Variants in STXBP5L observed in about 807,000 individuals in gnomAD.
STXBP5L encodes the protein syntaxin-binding protein 5-like.
STXBP5L carries 65 observed loss-of-function variants against 144.5 expected under a neutral mutation model. That is an observed-to-expected ratio of 0.45 (90% confidence interval 0.37 to 0.55). STXBP5L has a LOEUF of 0.55. Ranked by LOEUF, STXBP5L falls within the 20% of genes least tolerant of loss-of-function variation. STXBP5L has a pLI of 0.00. For synonymous variants in STXBP5L, 505 were observed against 469.6 expected, an observed-to-expected ratio of 1.08 and a Z score of -0.97; for missense variants, 1,298 against 1,405.5, an observed-to-expected ratio of 0.92 and a Z score of 1.22.
chr3:121,101,302 C>T (rs1257151611), intron 5 of STXBP5L, among the ~76,000 whole-genome samples: 1 of 151,998 alleles, frequency 6.6e-6, no homozygotes, highest in Non-Finnish European at 1.5e-5. Context: ...AAGGACAATA[C>T]AGGCCAATAT....
intron 5 of STXBP5L, among the ~76,000 whole-genome samples, chr3:121,096,959 G>T (rs7637100): frequency 0.47 from 71,780 of 151,670 alleles, 17,531 homozygotes; most frequent in African/African-American, 0.56. Flanking sequence ...CCCCTTCCCC[G>T]AGGTGCTCTG....
chr3:121,296,594 A>G (rs569727691), intron 19 of STXBP5L, among the ~76,000 whole-genome samples: 17 of 152,320 alleles, frequency 1.1e-4, no homozygotes, highest in Middle Eastern at 3.4e-3. Flanking sequence ...TGAATGCCAG[A>G]CAGAGAAGAG....
At chr3:121,347,558 A>G (rs1176658619) in intron 20 of STXBP5L, among the ~76,000 whole-genome samples, 1 of 152,108 alleles carries the variant, frequency 6.6e-6, no homozygotes, top group Non-Finnish European at 1.5e-5. Flanking sequence ...CAGTATGGCC[A>G]TTTTCACGAT....
intron 7 of STXBP5L, among the ~76,000 whole-genome samples, chr3:121,136,771 A>G (rs2045274260): frequency 6.6e-6 from 1 of 152,218 alleles, no homozygotes; most frequent in Non-Finnish European, 1.5e-5. Context: ...ATAAAGACAC[A>G]TGCGTGTGTA....
chr3:121,313,760 C>T (rs1391529048), intron 19 of STXBP5L, among the ~76,000 whole-genome samples: 81 of 135,862 alleles, frequency 6.0e-4, no homozygotes, highest in African/African-American at 1.6e-3. Context: ...CCCTCCCGGA[C>T]GGGGTGGCTG....
chr3:121,218,614 A>G (rs1013873958), intron 10 of STXBP5L, among the ~76,000 whole-genome samples: 7 of 151,914 alleles, frequency 4.6e-5, no homozygotes, highest in Non-Finnish European at 8.8e-5. Context: ...GAGGAGAACC[A>G]TGAAGAGAGA....
chr3:121,254,648 G>T (rs957548123), intron 15 of STXBP5L, among the ~76,000 whole-genome samples: 2 of 152,150 alleles, frequency 1.3e-5, no homozygotes, highest in Non-Finnish European at 2.9e-5. Context: ...AATGACACAA[G>T]AAAGCAACTA....
At chr3:121,023,427 A>T (rs755621988) in intron 3 of STXBP5L, among the ~76,000 whole-genome samples, 7 of 152,166 alleles carry the variant, frequency 4.6e-5, no homozygotes, top group Non-Finnish European at 8.8e-5. Context: ...AAAAGAGCCC[A>T]CCTAGCCAAA....
intron 7 of STXBP5L, among the ~76,000 whole-genome samples, chr3:121,148,693 G>C (rs1472553022): frequency 1.3e-5 from 2 of 152,038 alleles, no homozygotes; most frequent in South Asian, 2.1e-4. Context: ...GAAGTGGTTG[G>C]TATAACCACT....
chr3:121,333,209 A>C (rs2044384039), intron 20 of STXBP5L, among the ~76,000 whole-genome samples: 2 of 152,210 alleles, frequency 1.3e-5, no homozygotes, highest in Admixed American at 1.3e-4. Context: ...AATCAACATG[A>C]TGATTGGAAC....
intron 9 of STXBP5L, 109 bp from the exon 10 acceptor site, chr3:121,205,814 G>A: frequency 1.9e-6 from 1 of 518,794 alleles, no homozygotes; most frequent in South Asian, 3.8e-5. Context: ...GACAAACATA[G>A]AATTAACATT....
At chr3:121,382,928 A>G (rs184066207) in intron 22 of STXBP5L, among the ~76,000 whole-genome samples, 42 of 152,244 alleles carry the variant, frequency 2.8e-4, no homozygotes, top group African/African-American at 8.4e-4. Flanking sequence ...ATGGGAAGCT[A>G]TCTTCTCCAA....
intron 20 of STXBP5L, among the ~76,000 whole-genome samples, chr3:121,338,573 G>A (rs1374618234): frequency 8.0e-6 from 1 of 125,130 alleles, no homozygotes; most frequent in African/African-American, 3.2e-5. Context: ...AACCTGGGAG[G>A]CAGAGGTTGC....
chr3:121,260,166 T>C (rs182977446), intron 18 of STXBP5L, among the ~76,000 whole-genome samples: 6 of 152,250 alleles, frequency 3.9e-5, no homozygotes, highest in Admixed American at 3.3e-4. Flanking sequence ...TATGTTATTA[T>C]AATATCAGTA....
intron 5 of STXBP5L, among the ~76,000 whole-genome samples, chr3:121,053,672 G>A (rs1948213053): frequency 6.6e-6 from 1 of 152,122 alleles, no homozygotes; most frequent in Non-Finnish European, 1.5e-5. Flanking sequence ...CAGGACATAG[G>A]CATGGGCAAG....
intron 22 of STXBP5L, among the ~76,000 whole-genome samples, chr3:121,387,504 C>T (rs536106717): frequency 8.9e-4 from 135 of 152,214 alleles, no homozygotes; most frequent in Non-Finnish European, 1.6e-3. Context: ...AATGGTATTG[C>T]CTAGGTTTTC....
In STXBP5L at chr3:121,042,206, A is replaced by G. The variant is rs940599578; in HGVS notation, c.369+425A>G. ...TACGTATGGGCCCTTTTATCTGCAT[A>G]TATCTCCAAATACATTTGTTGGAAT... On this transcript the variant is annotated intron_variant, in intron 4 of 26. Transcript: ENST00000471454. Among the ~76,000 whole-genome samples, 5 of 152,056 alleles carry G rather than the reference A, an allele frequency of 3.3e-5. No homozygotes were observed. In the South Asian group the frequency reaches 1.0e-3, roughly 31 times the overall value.
At position 120,954,929 on chromosome 3, in the gene STXBP5L, C is replaced by G. The variant is rs757035638; in HGVS notation, c.190-11C>G. ...CCTAGAGACTTATTGGTATTATTTGCTCTCTTTCAGACAGTTCGGCATGGT... is the reference window on the plus strand; with the variant it reads ...CCTAGAGACTTATTGGTATTATTTGGTCTCTTTCAGACAGTTCGGCATGGT... On this transcript the variant is annotated splice_polypyrimidine_tract_variant and intron_variant, in intron 2 of 26. Coordinates refer to ENST00000471454, the MANE Select transcript of STXBP5L (RefSeq NM_001308330.2). The G allele has an allele frequency of 2.2e-5, 35 of 1,602,524 alleles. No homozygotes were observed. Among genetic ancestry groups the G allele is most frequent in the Non-Finnish European group, 2.9e-5 (34 of 1,173,122 alleles).
At chr3:121,317,717 T>C (rs992561558) in intron 19 of STXBP5L, among the ~76,000 whole-genome samples, 1 of 152,156 alleles carries the variant, frequency 6.6e-6, no homozygotes, top group African/African-American at 2.4e-5. Flanking sequence ...GTAGAAAGAA[T>C]TATAAAATGT....
Sources: allele counts gnomAD v4.1 joint callset (sites outside exome capture counted in the v4.1 genomes callset), GRCh38; gene constraint gnomAD v4.1.1; transcripts MANE v1.5; gene names NCBI Gene and HGNC (gene_info 2026-07-23, HGNC 2026-07-21).